The following PGBD2 variants were observed in gnomAD, a reference collection of about 807,000 sequenced individuals.
PGBD2 encodes piggyBac transposable element derived 2, also known as piggyBac transposable element-derived protein 2.
Under a neutral mutation model 8.1 loss-of-function variants are expected in PGBD2, and 6 were observed. That is an observed-to-expected ratio of 0.74 (90% CI 0.40 to 1.46). PGBD2 has a LOEUF of 1.46. Among genes scored for constraint, PGBD2 ranks in the 40% most tolerant of loss-of-function variants. The pLI, the probability that PGBD2 is intolerant of heterozygous loss-of-function variation, is 0.02. For missense variants in PGBD2, 802 were observed against 739.0 expected (o/e 1.09, Z -0.99); for synonymous variants, 318 against 272.2 (o/e 1.17, Z -1.66).
Position 248,913,803 on chromosome 1 carries a change from T to C in PGBD2, c.-47-13T>C. 1 of 1,408,384 alleles carries C rather than the reference T, an allele frequency of 7.1e-7. No homozygotes were observed. The highest frequency in any genetic ancestry group is 1.0e-6 in the Non-Finnish European group (1 of 1,000,514). 87.2% of individuals were successfully genotyped at this position (1,408,384 alleles called of 1,614,324 possible). A position where few individuals can be genotyped will look rare whatever the true frequency, so the allele number is the denominator to read the frequency against. On this transcript the variant is annotated splice_polypyrimidine_tract_variant and intron_variant, in intron 1 of 2. Transcript: ENST00000329291. ...TACAATTTTTTTTTAAATTGACTTT[T>C]CTTGTCTTACAGGTTCTTAGACTCT...
At chr1:248,907,563 A>G (rs191168814) in intron 1 of PGBD2, among the ~76,000 whole-genome samples, 10 of 152,330 alleles carry the variant, frequency 6.6e-5, no homozygotes, top group East Asian at 1.9e-4. Flanking sequence ...ACCTTGGACA[A>G]TACCCGGCTT....
At chr1:248,910,786 A>G (rs1661844230) in intron 1 of PGBD2, among the ~76,000 whole-genome samples, 1 of 152,112 alleles carries the variant, frequency 6.6e-6, no homozygotes, top group Non-Finnish European at 1.5e-5. Flanking sequence ...GGAGCTTATG[A>G]TCTAATCAGG....
Position 248,918,099 on chromosome 1 carries a change from C to T in PGBD2, c.1515C>T (p.Cys505=). The T allele has an allele frequency of 1.9e-6, 3 of 1,614,236 alleles. No individual in the cohort carries two copies. The South Asian group carries it at 3.3e-5, about 18-fold the overall frequency. The stretch of plus-strand genomic sequence containing the variant: ...ATGCATGGCAGCTGCATAGAATCTG[C>T]TGCCAAGATGCCCAGGTGGACCTCC... ...LNNAWQLHRI[C]CQDAQVDLLA... is the part of the protein sequence containing the mutation. Residue 505 remains cysteine (C), a synonymous_variant, in exon 3 of 3, where the codon TGC becomes TGT. Transcript: ENST00000329291.
upstream of PGBD2, among the ~76,000 whole-genome samples, chr1:248,901,677 C>T (rs983011154): frequency 5.9e-5 from 9 of 152,188 alleles, no homozygotes; most frequent in South Asian, 2.1e-4. Flanking sequence ...GACATAGACA[C>T]GGGCAAAACC....
chr1:248,917,085 G>GA lies in PGBD2; in HGVS notation c.506dup (p.Asn169LysfsTer46). ...ATGAAACCAATCGTTATGCTTGGCAGAAAAATGTCAATTTGAGTCTTACGG... is the reference window on the plus strand; with the variant it reads ...ATGAAACCAATCGTTATGCTTGGCAGAAAAAATGTCAATTTGAGTCTTACGG... On this transcript the variant is annotated frameshift_variant, in exon 3 of 3. Coordinates refer to ENST00000329291, the MANE Select transcript of PGBD2 (RefSeq NM_170725.3). LOFTEE classifies it low-confidence loss of function (END_TRUNC). 1 of 1,613,700 alleles carries GA rather than the reference G, an allele frequency of 6.2e-7. No homozygotes were observed. The highest frequency in any genetic ancestry group is 8.5e-7 in the Non-Finnish European group (1 of 1,179,920).
chr1:248,915,942 A>G (rs1662082473), intron 2 of PGBD2, among the ~76,000 whole-genome samples: 1 of 152,206 alleles, frequency 6.6e-6, no homozygotes, highest in Non-Finnish European at 1.5e-5. Context: ...AGTGGGTGTC[A>G]CTGCAGCTGC....
chr1:248,895,176 C>T, the PGBD2 span, among the ~76,000 whole-genome samples: 4 of 152,154 alleles, frequency 2.6e-5, no homozygotes, highest in Admixed American at 1.3e-4. Context: ...TTTGGGTCAA[C>T]CAACAACAGG....
chr1:248,901,774 A>G (rs985740620), upstream of PGBD2, among the ~76,000 whole-genome samples: 1 of 152,222 alleles, frequency 6.6e-6, no homozygotes, highest in Non-Finnish European at 1.5e-5. Flanking sequence ...TCTGCACAGC[A>G]AAAACAAAAC....
At chr1:248,926,188 C>A in the PGBD2 span, among the ~76,000 whole-genome samples, 1 of 152,118 alleles carries the variant, frequency 6.6e-6, no homozygotes, top group Admixed American at 6.5e-5. Flanking sequence ...TGTTCTACCC[C>A]AGGTCAGAGT....
rs557549697 is a variant in PGBD2 at position 248,914,623 on chromosome 1, C to T, written c.17+744C>T. 1.0e-4 allele frequency: 129 copies of T among 1,285,252 alleles called. 1 individual carries two copies. In the East Asian group the frequency reaches 1.8e-3, roughly 18 times the overall value. 79.6% of individuals were successfully genotyped at this position (1,285,252 alleles called of 1,614,324 possible). ...CTTCTGTTGGGATGGAGGGTCCTCA[C>T]GTAGAGGTTGGGGCCTGCAAAGGGG... On this transcript the variant is annotated intron_variant, in intron 2 of 2. Coordinates refer to ENST00000329291, the MANE Select transcript of PGBD2 (RefSeq NM_170725.3).
chr1:248,910,216 T>C (rs2103105843), intron 1 of PGBD2, among the ~76,000 whole-genome samples: 1 of 152,324 alleles, frequency 6.6e-6, no homozygotes, highest in Non-Finnish European at 1.5e-5. Flanking sequence ...TGTATGGATA[T>C]TTATAGTAAC....
At chr1:248,899,318 A>C in the PGBD2 span, among the ~76,000 whole-genome samples, 1 of 152,208 alleles carries the variant, frequency 6.6e-6, no homozygotes. Flanking sequence ...TCATCACCAC[A>C]AAGAACTTAC....
In PGBD2 at chr1:248,916,531, C is replaced by T. The variant is rs1410802887; in HGVS notation, c.18-71C>T. On this transcript the variant is annotated intron_variant, in intron 2 of 2. Coordinates refer to ENST00000329291, the MANE Select transcript of PGBD2 (RefSeq NM_170725.3). ...TGGAAGTGTTTTATAGTGGGAGCAC[C>T]CTCCTCTTTTCTGCTGAAGCATTGG... 3.7e-6 allele frequency: 5 copies of T among 1,358,656 alleles called. No homozygotes were observed. The South Asian group carries it at 6.4e-5, about 17-fold the overall frequency. The allele number at this position is 1,358,656 out of a possible 1,614,324, so 84.2% of individuals were successfully genotyped here. A position where few individuals can be genotyped will look rare whatever the true frequency, so the allele number is the denominator to read the frequency against.
the PGBD2 span, among the ~76,000 whole-genome samples, chr1:248,925,011 C>T: frequency 2.0e-5 from 3 of 149,342 alleles, no homozygotes; most frequent in Admixed American, 2.0e-4. Context: ...TAACGGAGGG[C>T]TTTTTTTTTT....
intron 2 of PGBD2, chr1:248,914,443 T>C: frequency 3.9e-6 from 5 of 1,279,476 alleles, no homozygotes; most frequent in Non-Finnish European, 5.1e-6. Flanking sequence ...ATGCAGAGCT[T>C]GGATGAGTGA....
chr1:248,929,088 T>A, the PGBD2 span, among the ~76,000 whole-genome samples: 3 of 152,234 alleles, frequency 2.0e-5, no homozygotes, highest in Non-Finnish European at 2.9e-5. Flanking sequence ...AATTCATTTA[T>A]TTGTAATCTT....
At chr1:248,875,760 C>G in the PGBD2 span, among the ~76,000 whole-genome samples, 2 of 152,176 alleles carry the variant, frequency 1.3e-5, 1 homozygote, top group South Asian at 4.1e-4. Context: ...GGTCCATGCA[C>G]GTTTGTGTTT....
intron 2 of PGBD2, among the ~76,000 whole-genome samples, chr1:248,916,227 C>G (rs1393651113): frequency 6.6e-6 from 1 of 152,088 alleles, no homozygotes; most frequent in African/African-American, 2.4e-5. Flanking sequence ...TCCTGACTAA[C>G]ACGGTGAAAC....
chr1:248,897,686 C>T, the PGBD2 span, among the ~76,000 whole-genome samples: 1 of 152,162 alleles, frequency 6.6e-6, no homozygotes, highest in Non-Finnish European at 1.5e-5. Context: ...GGAGATCTGT[C>T]TGTTCCTGTA....
Sources: gnomAD v4.1 joint callset for allele counts (sites outside exome capture counted in the v4.1 genomes callset) on GRCh38, gnomAD v4.1.1 for gene constraint, MANE v1.5 for transcripts, NCBI Gene and HGNC (gene_info 2026-07-23, HGNC 2026-07-21) for gene names.